GNA12: variants seen among roughly 807,000 people sequenced by gnomAD.
GNA12 encodes the protein guanine nucleotide-binding protein subunit alpha-12.
A neutral mutation model predicts 26.0 loss-of-function variants in GNA12; 9 were observed. That is an observed-to-expected ratio of 0.35 (90% confidence interval 0.21 to 0.60). The LOEUF is 0.60. Among genes scored for constraint, GNA12 ranks in the 20% least tolerant of loss-of-function variants. The pLI, the probability that GNA12 is intolerant of heterozygous loss-of-function variation, is 0.78. For synonymous variants in GNA12, 264 were observed against 219.6 expected (o/e 1.20, Z -1.79); for missense variants, 405 against 525.8 (o/e 0.77, Z 2.25).
At chr7:2,830,201 G>A (rs1271153404) in intron 1 of GNA12, among the ~76,000 whole-genome samples, 1 of 151,778 alleles carries the variant, frequency 6.6e-6, no homozygotes, top group Admixed American at 6.5e-5. Context: ...CTACCTTAAG[G>A]GACTGGGGCT....
intron 2 of GNA12, among the ~76,000 whole-genome samples, chr7:2,739,068 A>G (rs17132628): frequency 0.026 from 3,909 of 152,320 alleles, 123 homozygotes; most frequent in Middle Eastern, 0.075. Context: ...CAGGCTCCGC[A>G]GGGTGTGTCC....
chr7:2,773,251 A>G (rs1791992485), intron 2 of GNA12, among the ~76,000 whole-genome samples: 2 of 152,212 alleles, frequency 1.3e-5, no homozygotes. Context: ...TTGCACACAG[A>G]AATTATACTT....
At chr7:2,796,088 A>G (rs183512544) in intron 1 of GNA12, among the ~76,000 whole-genome samples, 1,905 of 151,666 alleles carry the variant, frequency 0.013, 43 homozygotes, top group African/African-American at 0.043. Flanking sequence ...CTGGTCTCGA[A>G]CTCCTGACCT....
chr7:2,821,045 C>T (rs1032918997), intron 1 of GNA12, among the ~76,000 whole-genome samples: 2 of 152,250 alleles, frequency 1.3e-5, no homozygotes, highest in Non-Finnish European at 2.9e-5. Flanking sequence ...CGGCCTACAT[C>T]CATGTTTTCA....
intron 2 of GNA12, chr7:2,762,365 A>T: frequency 2.5e-6 from 1 of 406,588 alleles, no homozygotes; most frequent in Non-Finnish European, 4.3e-6. Context: ...CCGAATCCAG[A>T]CACGGTATGG....
intron 1 of GNA12, among the ~76,000 whole-genome samples, chr7:2,824,559 G>C (rs79998374): frequency 0.015 from 2,347 of 152,254 alleles, 49 homozygotes; most frequent in African/African-American, 0.053. Flanking sequence ...CCTGTGGATC[G>C]TCTGTTTCCC....
At chr7:2,759,686 C>T (rs1422676347) in intron 2 of GNA12, among the ~76,000 whole-genome samples, 1 of 152,164 alleles carries the variant, frequency 6.6e-6, no homozygotes, top group East Asian at 1.9e-4. Flanking sequence ...TTTTCAGACC[C>T]TCTTCTGTAG....
At chr7:2,779,159 C>T (rs1035350554) in intron 2 of GNA12, among the ~76,000 whole-genome samples, 5 of 152,026 alleles carry the variant, frequency 3.3e-5, no homozygotes, top group Admixed American at 6.6e-5. Context: ...AGGAGTTTGA[C>T]CCCAGCCTGG....
At chr7:2,760,076 G>A (rs1379103375) in intron 2 of GNA12, among the ~76,000 whole-genome samples, 1 of 152,242 alleles carries the variant, frequency 6.6e-6, no homozygotes, top group Non-Finnish European at 1.5e-5. Flanking sequence ...GGAACTGAAG[G>A]TCAAGAGCTC....
At chr7:2,813,351 C>G (rs1187761021) in intron 1 of GNA12, among the ~76,000 whole-genome samples, 2 of 152,234 alleles carry the variant, frequency 1.3e-5, no homozygotes, top group Non-Finnish European at 2.9e-5. Flanking sequence ...ATAGATGACT[C>G]CATGCCCATA....
Position 2,731,378 on chromosome 7 carries a change from A to C in GNA12, c.949T>G (p.Phe317Val). The change falls in exon 4 of 4, where the codon TTC (phenylalanine) becomes GTC (valine). Residue 317 changes from phenylalanine to valine, a missense_variant. Physicochemically the swap from Phe to Val is conservative, Grantham distance 50. Transcript: ENST00000275364. The surrounding 1 kb of genome is among the most constrained non-coding windows in gnomAD (Gnocchi z 6.0). The stretch of plus-strand genomic sequence containing the variant: ...TCCAGCCTGTGCGGGTCGCCCCTGA[A>C]GTCCGGGAAGTGCTTCTTGATGCTC... Reference protein sequence around the residue: ...TVSIKKHFPDFRGDPHRLEDV... With the variant: ...TVSIKKHFPDVRGDPHRLEDV... 6.2e-7 allele frequency: 1 copy of C among 1,613,386 alleles called. No homozygotes were observed. Among genetic ancestry groups the C allele is most frequent in the Non-Finnish European group, 8.5e-7 (1 of 1,179,568 alleles).
chr7:2,792,565 C>G (rs570489924), intron 2 of GNA12, among the ~76,000 whole-genome samples: 2 of 152,340 alleles, frequency 1.3e-5, no homozygotes, highest in South Asian at 4.1e-4. Context: ...CATCCAAGTT[C>G]TAAATGAATG....
chr7:2,763,108 G>T lies in GNA12; in HGVS notation c.526-29607C>A, dbSNP rs1328661625. 1.4e-5 allele frequency: 18 copies of T among 1,245,588 alleles called. No individual in the cohort carries two copies. The South Asian group carries it at 1.5e-4, about 10-fold the overall frequency. The allele number at this position is 1,245,588 out of a possible 1,614,324, so 77.2% of individuals were successfully genotyped here. On this transcript the variant is annotated intron_variant, in intron 2 of 3. Coordinates refer to ENST00000275364, the MANE Select transcript of GNA12 (RefSeq NM_007353.3). The stretch of plus-strand genomic sequence containing the variant: ...GAGTGAGAGACCACAAGCAGCCTCT[G>T]AAGTCATCTTCCTCTCTCTTCTCAG...
At chr7:2,741,433 G>C (rs916283637) in intron 2 of GNA12, among the ~76,000 whole-genome samples, 1 of 152,196 alleles carries the variant, frequency 6.6e-6, no homozygotes, top group Non-Finnish European at 1.5e-5. Flanking sequence ...TTCCACCACA[G>C]AATCTCTAAA....
chr7:2,827,402 T>C (rs963649347), intron 1 of GNA12, among the ~76,000 whole-genome samples: 4 of 152,174 alleles, frequency 2.6e-5, no homozygotes, highest in South Asian at 4.1e-4. Flanking sequence ...TTTACCTCGA[T>C]TATTTTAAAA....
At chr7:2,798,926 G>C (rs144237857) in intron 1 of GNA12, among the ~76,000 whole-genome samples, 30 of 141,858 alleles carry the variant, frequency 2.1e-4, no homozygotes, top group Middle Eastern at 3.5e-3. Context: ...GCTGTTGGAG[G>C]AAGTGGACTT....
At chr7:2,799,909 G>A (rs918580803) in intron 1 of GNA12, among the ~76,000 whole-genome samples, 8 of 152,164 alleles carry the variant, frequency 5.3e-5, no homozygotes, top group South Asian at 4.1e-4. Context: ...CGGAGACCCC[G>A]GACCTCTCAT....
At chr7:2,806,475 A>AAAAAAG (rs1554262008) in intron 1 of GNA12, among the ~76,000 whole-genome samples, 2 of 150,738 alleles carry the variant, frequency 1.3e-5, no homozygotes, top group South Asian at 2.1e-4. Context: ...AAAAAAAAAA[A>AAAAAAG]AAAGAAAAAG....
rs1789789075 is a variant in GNA12, at chr7:2,729,657, G to C, written c.*1524C>G. 6.6e-6 allele frequency: 1 copy of C among 152,338 alleles called. No homozygotes were observed. The highest frequency in any genetic ancestry group is 2.1e-4 in the South Asian group (1 of 4,832). 9.4% of individuals were successfully genotyped at this position (152,338 alleles called of 1,614,324 possible). ...AAGGGTGAGCTGCAGAGGGGCTCGG[G>C]GCTCGGGGCAGCACGGCCTCGGGAC... On this transcript the variant is annotated 3_prime_UTR_variant, in exon 4 of 4. Coordinates refer to ENST00000275364, the MANE Select transcript of GNA12 (RefSeq NM_007353.3).
Sources: gnomAD v4.1 joint callset for allele counts (sites outside exome capture counted in the v4.1 genomes callset) on GRCh38, gnomAD v4.1.1 for gene constraint, Gnocchi (gnomAD v3.1) non-coding constraint, MANE v1.5 for transcripts, NCBI Gene and HGNC (gene_info 2026-07-23, HGNC 2026-07-21) for gene names.